KHDRBS2: variants seen among roughly 807,000 people sequenced by gnomAD.
KHDRBS2 encodes the protein KH RNA binding domain containing, signal transduction associated 2.
KHDRBS2 carries 26 observed loss-of-function variants against 44.3 expected under a neutral mutation model. The observed-to-expected ratio is 0.59, with a 90% CI of 0.43 to 0.81. The LOEUF is 0.81. KHDRBS2 is among the 40% of genes least tolerant of loss of function. The pLI is 0.00. For missense variants in KHDRBS2, 476 were observed against 433.1 expected, an observed-to-expected ratio of 1.10 and a Z score of -0.88; for synonymous variants, 194 against 151.1, an observed-to-expected ratio of 1.28 and a Z score of -2.08.
At chr6:62,055,791 T>C (rs1421380400) in intron 2 of KHDRBS2, among the ~76,000 whole-genome samples, 1 of 151,936 alleles carries the variant, frequency 6.6e-6, no homozygotes, top group Admixed American at 6.6e-5. Flanking sequence ...TTGCATCACA[T>C]TTGGAAGACG....
intron 2 of KHDRBS2, among the ~76,000 whole-genome samples, chr6:62,065,423 T>C (rs369658607): frequency 1.3e-5 from 2 of 149,232 alleles, no homozygotes; most frequent in Non-Finnish European, 3.0e-5. Context: ...GAAAATGTGG[T>C]ACATATACAC....
intron 1 of KHDRBS2, among the ~76,000 whole-genome samples, chr6:62,183,989 ACT>A (rs1822910682): frequency 6.6e-6 from 1 of 151,688 alleles, no homozygotes; most frequent in Non-Finnish European, 1.5e-5. Flanking sequence ...AGTTTATACC[ACT>A]TTTTTCCACT....
intron 2 of KHDRBS2, among the ~76,000 whole-genome samples, chr6:62,159,062 T>A (rs1399702531): frequency 2.0e-5 from 3 of 151,782 alleles, no homozygotes; most frequent in Non-Finnish European, 2.9e-5. Flanking sequence ...AATGATTTAA[T>A]GAATTAATTG....
chr6:61,661,716 A>T, the KHDRBS2 span, among the ~76,000 whole-genome samples: 1 of 151,858 alleles, frequency 6.6e-6, no homozygotes, highest in Non-Finnish European at 1.5e-5. Context: ...CTTCAAGGAG[A>T]ACTACAAACC....
At chr6:61,930,562 A>G in intron 4 of KHDRBS2, among the ~76,000 whole-genome samples, 1 of 119,588 alleles carries the variant, frequency 8.4e-6, no homozygotes, top group Non-Finnish European at 1.8e-5. Flanking sequence ...AAAAAAAAAA[A>G]AAAAAGGCTA....
At chr6:61,730,468 G>C (rs780731273) in intron 7 of KHDRBS2, among the ~76,000 whole-genome samples, 1 of 152,008 alleles carries the variant, frequency 6.6e-6, no homozygotes, top group Non-Finnish European at 1.5e-5. Flanking sequence ...GAGAGATGAG[G>C]CTGTATTAGA....
chr6:62,216,367 C>T (rs1829974427), intron 1 of KHDRBS2, among the ~76,000 whole-genome samples: 1 of 151,704 alleles, frequency 6.6e-6, no homozygotes, highest in African/African-American at 2.4e-5. Context: ...TGATTTCTTT[C>T]GTGGACCTCT....
chr6:61,661,761 T>C, the KHDRBS2 span, among the ~76,000 whole-genome samples: 1 of 151,866 alleles, frequency 6.6e-6, no homozygotes, highest in African/African-American at 2.4e-5. Context: ...TACAAACAAA[T>C]GGAAGAACAT....
intron 6 of KHDRBS2, among the ~76,000 whole-genome samples, chr6:61,743,354 C>T (rs1776414596): frequency 6.6e-6 from 1 of 152,022 alleles, no homozygotes; most frequent in Non-Finnish European, 1.5e-5. Context: ...GAGATCACAG[C>T]CCACGAGGAA....
chr6:61,768,676 C>A (rs1469733498), intron 6 of KHDRBS2, among the ~76,000 whole-genome samples: 3 of 151,992 alleles, frequency 2.0e-5, no homozygotes, highest in Non-Finnish European at 4.4e-5. Flanking sequence ...GTGTCAATTG[C>A]ATTTTTTTAG....
At chr6:61,669,161 G>T in the KHDRBS2 span, among the ~76,000 whole-genome samples, 3 of 150,940 alleles carry the variant, frequency 2.0e-5, no homozygotes, top group Admixed American at 2.0e-4. Context: ...TCAATATCTT[G>T]AGCCAATATC....
intron 3 of KHDRBS2, among the ~76,000 whole-genome samples, chr6:61,997,701 T>A (rs1384885644): frequency 6.6e-6 from 1 of 152,142 alleles, no homozygotes; most frequent in Non-Finnish European, 1.5e-5. Context: ...CCCTTAAGGA[T>A]ATAGTGAGCA....
intron 1 of KHDRBS2, among the ~76,000 whole-genome samples, chr6:62,257,257 A>T (rs1378117181): frequency 6.6e-6 from 1 of 152,086 alleles, no homozygotes. Context: ...TTTTGTTGTC[A>T]TCCCTATCAT....
At chr6:61,615,891 C>T in the KHDRBS2 span, among the ~76,000 whole-genome samples, 3 of 152,086 alleles carry the variant, frequency 2.0e-5, no homozygotes, top group African/African-American at 7.2e-5. Context: ...GAGATATGGC[C>T]CAAGTCTAGC....
intron 6 of KHDRBS2, among the ~76,000 whole-genome samples, chr6:61,891,805 G>A (rs374388352): frequency 1.3e-5 from 2 of 152,250 alleles, no homozygotes; most frequent in South Asian, 4.1e-4. Flanking sequence ...TACTGAATGG[G>A]CAAAAACTGG....
intron 7 of KHDRBS2, among the ~76,000 whole-genome samples, chr6:61,706,658 C>T (rs1769616317): frequency 6.6e-6 from 1 of 151,580 alleles, no homozygotes; most frequent in African/African-American, 2.4e-5. Flanking sequence ...ATTTAGAGTA[C>T]CAGTACTATT....
intron 7 of KHDRBS2, among the ~76,000 whole-genome samples, chr6:61,722,563 C>A (rs1772820105): frequency 1.3e-5 from 2 of 152,032 alleles, no homozygotes; most frequent in African/African-American, 4.8e-5. Flanking sequence ...ATATTTTTAT[C>A]TTTTATCTTA....
the KHDRBS2 span, among the ~76,000 whole-genome samples, chr6:61,607,576 C>T: frequency 1.4e-4 from 16 of 117,038 alleles, no homozygotes; most frequent in African/African-American, 4.6e-4. Flanking sequence ...CAACTCTTTG[C>T]CAAAGATTAA....
At chr6:61,796,839 T>C (rs752354681) in intron 6 of KHDRBS2, among the ~76,000 whole-genome samples, 3 of 152,128 alleles carry the variant, frequency 2.0e-5, no homozygotes, top group African/African-American at 4.8e-5. Flanking sequence ...GAAAAGATGG[T>C]TGCATTTGAA....
Sources: gnomAD v4.1 joint callset for allele counts (sites outside exome capture counted in the v4.1 genomes callset) on GRCh38, gnomAD v4.1.1 for gene constraint, MANE v1.5 for transcripts, NCBI Gene and HGNC (gene_info 2026-07-23, HGNC 2026-07-21) for gene names.